Variants in SLC1A2 observed in about 807,000 individuals in gnomAD.
The protein encoded by SLC1A2 is excitatory amino acid transporter 2.
In SLC1A2, 15 loss-of-function variants were observed where a neutral mutation model predicts 48.8. The observed-to-expected ratio is 0.31, with a 90% confidence interval of 0.21 to 0.47. SLC1A2 has a LOEUF of 0.47. SLC1A2 is among the 20% of genes least tolerant of loss of function. The probability of loss-of-function intolerance (pLI) is 0.99; values close to 1 mark genes in which losing one functional copy is unlikely to be tolerated. For synonymous variants in SLC1A2, 279 were observed against 272.6 expected, an observed-to-expected ratio of 1.02 and a Z score of -0.23; for missense variants, 502 against 730.5, an observed-to-expected ratio of 0.69 and a Z score of 3.61.
At chr11:35,300,733 A>G (rs1277920655) in intron 6 of SLC1A2, among the ~76,000 whole-genome samples, 2 of 152,232 alleles carry the variant, frequency 1.3e-5, no homozygotes, top group Non-Finnish European at 2.9e-5. Context: ...ATCTCTTTTC[A>G]TGCTGAGCGA....
intron 1 of SLC1A2, among the ~76,000 whole-genome samples, chr11:35,380,955 A>AT (rs962360943): frequency 2.6e-5 from 4 of 152,216 alleles, no homozygotes; most frequent in African/African-American, 9.7e-5. Context: ...CGTAGTGGGG[A>AT]TGGAGGTAGA....
chr11:35,321,009 G>A (rs1565241736), intron 1 of SLC1A2, among the ~76,000 whole-genome samples: 1 of 152,204 alleles, frequency 6.6e-6, no homozygotes, highest in Non-Finnish European at 1.5e-5. Flanking sequence ...TTGACTCACA[G>A]TTCAGCATGG....
In SLC1A2 at chr11:35,332,767, T is replaced by C. The variant is rs557531165; in HGVS notation, c.18-15251A>G. On this transcript the variant is annotated intron_variant, in intron 1 of 10. Transcript: ENST00000278379. ...CCATTGTCCTTTATCTGAGAGCAGA[T>C]TCGACTCCACAGTTCCTTAGGGCAG... is the stretch of plus-strand genomic sequence containing the variant. Among the ~76,000 whole-genome samples, 8 of 152,338 alleles carry C rather than the reference T, an allele frequency of 5.3e-5. No homozygotes were observed. In the South Asian group the frequency reaches 1.0e-3, roughly 20 times the overall value.
intron 5 of SLC1A2, among the ~76,000 whole-genome samples, chr11:35,302,189 C>A (rs993108056): frequency 6.6e-6 from 1 of 151,972 alleles, no homozygotes; most frequent in Non-Finnish European, 1.5e-5. Context: ...TTACTACACA[C>A]ATAAAATGAC....
At chr11:35,272,343 A>T (rs1347042845) in intron 9 of SLC1A2, among the ~76,000 whole-genome samples, 1 of 152,234 alleles carries the variant, frequency 6.6e-6, no homozygotes, top group Non-Finnish European at 1.5e-5. Context: ...GGGATCTGTT[A>T]AACAGAAAGC....
intron 9 of SLC1A2, among the ~76,000 whole-genome samples, chr11:35,276,408 T>C (rs531372541): frequency 6.9e-4 from 105 of 152,090 alleles, no homozygotes; most frequent in African/African-American, 2.2e-3. Flanking sequence ...TTTTCTATTA[T>C]ATGATTTCAT....
Position 35,259,832 on chromosome 11 carries a change from G to A in SLC1A2, c.*1062C>T, listed in dbSNP as rs1303158580. 1 of 152,164 alleles carries A rather than the reference G, an allele frequency of 6.6e-6. No homozygotes were observed. The highest frequency in any genetic ancestry group is 1.5e-5 in the Non-Finnish European group (1 of 68,026). The allele number at this position is 152,164 out of a possible 1,614,324, so 9.4% of individuals were successfully genotyped here. A position where few individuals can be genotyped will look rare whatever the true frequency, so the allele number is the denominator to read the frequency against. Reference sequence around the variant, plus strand: ...ATATTGGATAAATACCAGTATTTTTGTTTCATCAAGAGATGACATTAAAAG... The same window carrying A: ...ATATTGGATAAATACCAGTATTTTTATTTCATCAAGAGATGACATTAAAAG... On this transcript the variant is annotated 3_prime_UTR_variant, in exon 11 of 11. Transcript: ENST00000278379.
chr11:35,298,321 C>G (rs1239630545), intron 6 of SLC1A2: 1 of 151,976 alleles, frequency 6.6e-6, no homozygotes, highest in Non-Finnish European at 1.5e-5. Context: ...GTTAGTAATT[C>G]TAATTTATAA....
At chr11:35,319,176 C>A (rs1034500941) in intron 1 of SLC1A2, among the ~76,000 whole-genome samples, 2 of 152,162 alleles carry the variant, frequency 1.3e-5, no homozygotes, top group African/African-American at 4.8e-5. Context: ...GGGTGAGGGC[C>A]TTTCTGATCA....
chr11:35,282,120 A>T (rs1850656635), intron 8 of SLC1A2, among the ~76,000 whole-genome samples: 2 of 151,848 alleles, frequency 1.3e-5, no homozygotes, highest in African/African-American at 4.8e-5. Context: ...TTTTTCCCCT[A>T]TTGCCATCAT....
chr11:35,331,049 A>G (rs145739828), intron 1 of SLC1A2, among the ~76,000 whole-genome samples: 1 of 152,336 alleles, frequency 6.6e-6, no homozygotes, highest in Non-Finnish European at 1.5e-5. Context: ...AAGGTGATAG[A>G]CATAGAGAGT....
At chr11:35,385,506 G>A (rs1854559208) in intron 1 of SLC1A2, among the ~76,000 whole-genome samples, 1 of 152,204 alleles carries the variant, frequency 6.6e-6, no homozygotes, top group Admixed American at 6.5e-5. Flanking sequence ...AGAACCTGCA[G>A]AGGGGTCTGG....
At chr11:35,373,015 T>G (rs1204664589) in intron 1 of SLC1A2, among the ~76,000 whole-genome samples, 1 of 152,232 alleles carries the variant, frequency 6.6e-6, no homozygotes. Context: ...GGCTGGGGCA[T>G]CTGGCTTCTG....
intron 9 of SLC1A2, among the ~76,000 whole-genome samples, chr11:35,268,498 A>G (rs1850171401): frequency 6.6e-6 from 1 of 152,060 alleles, no homozygotes; most frequent in Admixed American, 6.5e-5. Flanking sequence ...TTAACAATAC[A>G]GTACTAAAAA....
At position 35,265,635 on chromosome 11, in the gene SLC1A2, T is replaced by C; in HGVS notation, c.1545A>G (p.Glu515=). 6.2e-7 allele frequency: 1 copy of C among 1,612,698 alleles called. No homozygotes were observed. The change falls in exon 10 of 11, where the codon GAA becomes GAG. Residue 515 remains glutamate (E), a synonymous_variant. Coordinates refer to ENST00000278379, the MANE Select transcript of SLC1A2 (RefSeq NM_004171.4). ...DSQHRVHEDI[E]MTKTQSIYDD... ...CATAAATGGATTGAGTCTTGGTCAT[T>C]TCAATATCTTCATGCACTCGATGCT...
At position 35,281,020 on chromosome 11, in the gene SLC1A2, T is replaced by G. The variant is rs778334432; in HGVS notation, c.1287-19A>C. On this transcript the variant is annotated intron_variant, in intron 8 of 10. Coordinates refer to ENST00000278379, the MANE Select transcript of SLC1A2 (RefSeq NM_004171.4). ...TGTGAGGCTATGAGAACAGAGAAGT[T>G]CAGGTCATGGAAATGGAAAGAATCT... The G allele has an allele frequency of 1.1e-5, 18 of 1,573,046 alleles. No individual in the cohort carries two copies. The African/African-American group carries it at 2.2e-4, about 19-fold the overall frequency.
At chr11:35,292,753 G>A (rs140177484) in intron 6 of SLC1A2, among the ~76,000 whole-genome samples, 42 of 152,232 alleles carry the variant, frequency 2.8e-4, no homozygotes, top group Non-Finnish European at 5.0e-4. Flanking sequence ...AAATTTTGTG[G>A]CTAAGGTGAG....
At chr11:35,325,237 C>G (rs1034774892) in intron 1 of SLC1A2, among the ~76,000 whole-genome samples, 6 of 152,184 alleles carry the variant, frequency 3.9e-5, no homozygotes, top group Non-Finnish European at 5.9e-5. Flanking sequence ...TCCAACCCAG[C>G]CTTCTTAGAC....
At chr11:35,380,954 G>A (rs1292717503) in intron 1 of SLC1A2, among the ~76,000 whole-genome samples, 1 of 152,202 alleles carries the variant, frequency 6.6e-6, no homozygotes, top group African/African-American at 2.4e-5. Context: ...ACGTAGTGGG[G>A]ATGGAGGTAG....
Sources: allele counts gnomAD v4.1 joint callset (sites outside exome capture counted in the v4.1 genomes callset), GRCh38; gene constraint gnomAD v4.1.1; transcripts MANE v1.5; gene names NCBI Gene and HGNC (gene_info 2026-07-23, HGNC 2026-07-21).